Variants in XKR4 observed in about 807,000 individuals in gnomAD.
XKR4 encodes XK-related protein 4.
A neutral mutation model predicts 53.9 loss-of-function variants in XKR4; 12 were observed. The ratio of observed to expected loss-of-function variants is 0.22; its 90% CI spans 0.14 to 0.36. The LOEUF is 0.36. Ranked by LOEUF, XKR4 falls within the 10% of genes least tolerant of loss-of-function variation. XKR4 has a pLI of 1.00. For missense variants in XKR4, 799 were observed against 859.5 expected, an observed-to-expected ratio of 0.93 and a Z score of 0.88; for synonymous variants, 354 against 362.4, an observed-to-expected ratio of 0.98 and a Z score of 0.26.
chr8:55,411,044 G>A (rs559367604), intron 2 of XKR4, among the ~76,000 whole-genome samples: 35 of 152,274 alleles, frequency 2.3e-4, no homozygotes, highest in African/African-American at 7.7e-4. Context: ...TTTCTCCCTT[G>A]CACTTCTGCA....
chr8:55,450,283 C>CAGTCAT (rs933595850), intron 2 of XKR4: 1 of 708,122 alleles, frequency 1.4e-6, no homozygotes, highest in African/African-American at 1.8e-5. Flanking sequence ...AGCCAGTTCC[C>CAGTCAT]AGTCATAGGG....
intron 1 of XKR4, among the ~76,000 whole-genome samples, chr8:55,115,718 G>T (rs1816296426): frequency 6.6e-6 from 1 of 151,928 alleles, no homozygotes. Flanking sequence ...GAAGGTGGAG[G>T]TTGCAGTGAG....
chr8:55,320,537 G>A (rs1305693709), intron 1 of XKR4, among the ~76,000 whole-genome samples: 2 of 152,220 alleles, frequency 1.3e-5, no homozygotes, highest in African/African-American at 2.4e-5. Context: ...GAAAGCTCAC[G>A]GTATTTGGCC....
intron 1 of XKR4, among the ~76,000 whole-genome samples, chr8:55,353,241 G>A (rs930628306): frequency 4.6e-5 from 7 of 152,120 alleles, no homozygotes; most frequent in African/African-American, 1.7e-4. Flanking sequence ...ACCTTATTTT[G>A]GAAATAGAAT....
chr8:55,248,576 T>G lies in XKR4; in HGVS notation c.807-109102T>G, dbSNP rs139624063. On this transcript the variant is annotated intron_variant, in intron 1 of 2. Coordinates refer to ENST00000327381, the MANE Select transcript of XKR4 (RefSeq NM_052898.2). ...GGGCCTTGTGTTTATAAATGGCCCT[T>G]CTACTTCTCAAAGTACTCATATATT... Among the ~76,000 whole-genome samples the G allele has an allele frequency of 4.1e-3, 627 of 152,366 alleles. 8 individuals carry two copies. Among genetic ancestry groups the G allele is most frequent in the African/African-American group, 0.014 (587 of 41,588 alleles).
chr8:55,296,867 A>G (rs1819108681), intron 1 of XKR4, among the ~76,000 whole-genome samples: 2 of 152,214 alleles, frequency 1.3e-5, no homozygotes, highest in Non-Finnish European at 2.9e-5. Context: ...GATGTTCAAA[A>G]GAAATAACAA....
At chr8:55,229,400 C>A (rs935275195) in intron 1 of XKR4, among the ~76,000 whole-genome samples, 1 of 152,230 alleles carries the variant, frequency 6.6e-6, no homozygotes, top group Non-Finnish European at 1.5e-5. Context: ...TTCCCGGAAA[C>A]CTGATTGTCT....
chr8:55,455,925 T>C (rs766930882), intron 2 of XKR4, among the ~76,000 whole-genome samples: 1 of 152,190 alleles, frequency 6.6e-6, no homozygotes, highest in Non-Finnish European at 1.5e-5. Flanking sequence ...ACAACCTCAA[T>C]AGCTACATGT....
At chr8:55,285,020 A>G (rs1018731496) in intron 1 of XKR4, among the ~76,000 whole-genome samples, 1 of 152,220 alleles carries the variant, frequency 6.6e-6, no homozygotes, top group Non-Finnish European at 1.5e-5. Context: ...TAAATACAGC[A>G]GTCAGATTGA....
At chr8:55,105,728 C>G (rs911612572) in intron 1 of XKR4, among the ~76,000 whole-genome samples, 11 of 152,076 alleles carry the variant, frequency 7.2e-5, no homozygotes, top group African/African-American at 2.7e-4. Flanking sequence ...TGATCTAAGA[C>G]TAATCAGCAT....
intron 1 of XKR4, among the ~76,000 whole-genome samples, chr8:55,324,616 T>C (rs1374345985): frequency 1.3e-5 from 2 of 152,232 alleles, no homozygotes; most frequent in African/African-American, 4.8e-5. Flanking sequence ...TTTCTACTTA[T>C]GGCTTAACTC....
intron 2 of XKR4, among the ~76,000 whole-genome samples, chr8:55,389,132 G>A (rs1027030950): frequency 2.6e-5 from 4 of 152,176 alleles, no homozygotes; most frequent in Non-Finnish European, 4.4e-5. Context: ...ACCAGCTAGG[G>A]AAATACCAGA....
chr8:55,469,395 A>T (rs998520962), intron 2 of XKR4, among the ~76,000 whole-genome samples: 3 of 151,954 alleles, frequency 2.0e-5, no homozygotes, highest in Admixed American at 6.6e-5. Context: ...GCCTCCCAAG[A>T]TCCTTGCTAT....
intron 1 of XKR4, among the ~76,000 whole-genome samples, chr8:55,150,987 A>G (rs950457657): frequency 1.3e-5 from 2 of 152,234 alleles, no homozygotes; most frequent in Admixed American, 6.5e-5. Flanking sequence ...TAGCCAAGGT[A>G]TGATTGGTTG....
rs1216485816 is a variant in XKR4 at position 55,534,417 on chromosome 8, G to A, written c.*10190G>A. On this transcript the variant is annotated 3_prime_UTR_variant, in exon 3 of 3. Coordinates refer to ENST00000327381, the MANE Select transcript of XKR4 (RefSeq NM_052898.2). ...GAGACAGAGTCTCGCTCTGTCGCAG[G>A]GGCTGGAGTGCAGTGGCACAATCTC... 1.6e-5 allele frequency: 2 copies of A among 124,724 alleles called. No homozygotes were observed. The highest frequency in any genetic ancestry group is 5.9e-5 in the African/African-American group (2 of 33,928). The allele number at this position is 124,724 out of a possible 1,614,324, so 7.7% of individuals were successfully genotyped here.
chr8:55,409,160 T>C lies in XKR4; in HGVS notation c.1006+51283T>C, dbSNP rs560206832. Among the ~76,000 whole-genome samples the C allele has an allele frequency of 2.0e-5, 3 of 152,288 alleles. No individual in the cohort carries two copies. In the South Asian group the frequency reaches 6.2e-4, roughly 32 times the overall value. The stretch of plus-strand genomic sequence containing the variant: ...CATGGTTGCCAAAGCTGTGAACCAA[T>C]TCTCAGGCATAAAGCCAAAGCCATG... On this transcript the variant is annotated intron_variant, in intron 2 of 2. Transcript: ENST00000327381.
chr8:55,456,425 C>T (rs1805571274), intron 2 of XKR4, among the ~76,000 whole-genome samples: 1 of 151,316 alleles, frequency 6.6e-6, no homozygotes. Flanking sequence ...GAGCGAAACT[C>T]TGTCTTGAAA....
chr8:55,498,994 A>T (rs2129403195), intron 2 of XKR4, among the ~76,000 whole-genome samples: 1 of 152,366 alleles, frequency 6.6e-6, no homozygotes, highest in Non-Finnish European at 1.5e-5. Flanking sequence ...CAAGATATTC[A>T]AGGCCGTAAA....
At chr8:55,392,289 G>A (rs1439853793) in intron 2 of XKR4, among the ~76,000 whole-genome samples, 1 of 152,094 alleles carries the variant, frequency 6.6e-6, no homozygotes, top group Non-Finnish European at 1.5e-5. Context: ...GGCCAGGGGA[G>A]GAAATACACA....
Sources: gnomAD v4.1 joint callset for allele counts (sites outside exome capture counted in the v4.1 genomes callset) on GRCh38, gnomAD v4.1.1 for gene constraint, MANE v1.5 for transcripts, NCBI Gene and HGNC (gene_info 2026-07-23, HGNC 2026-07-21) for gene names.